The following NEGR1 variants were observed in gnomAD, a reference collection of about 807,000 sequenced individuals.
NEGR1 encodes neuronal growth regulator 1.
A neutral mutation model predicts 40.9 loss-of-function variants in NEGR1; 10 were observed. The ratio of observed to expected loss-of-function variants is 0.24; its 90% confidence interval spans 0.15 to 0.42. The LOEUF is 0.42. Ranked by LOEUF, NEGR1 falls within the 10% of genes least tolerant of loss-of-function variation. NEGR1 has a pLI of 1.00. For synonymous variants in NEGR1, 185 were observed against 166.8 expected (o/e 1.11, Z -0.84); for missense variants, 352 against 438.9 (o/e 0.80, Z 1.77).
At chr1:71,494,201 A>T (rs1646947314) in intron 6 of NEGR1, among the ~76,000 whole-genome samples, 1 of 152,124 alleles carries the variant, frequency 6.6e-6, no homozygotes, top group Non-Finnish European at 1.5e-5. Flanking sequence ...TATGATGGGG[A>T]CTTTGAGGCC....
chr1:71,400,563 T>A lies in NEGR1; in HGVS notation c.*6883A>T, dbSNP rs1274933130. On this transcript the variant is annotated 3_prime_UTR_variant, in exon 7 of 7. Transcript: ENST00000357731. The stretch of plus-strand genomic sequence containing the variant: ...GTGACTGTTTACTTTCTCTTTCACA[T>A]GTCCTAGACTATTGGATTATGGTTT... 1.3e-5 allele frequency: 2 copies of A among 152,118 alleles called. No homozygotes were observed. Among genetic ancestry groups the A allele is most frequent in the Non-Finnish European group, 2.9e-5 (2 of 68,012 alleles). 9.4% of individuals were successfully genotyped at this position (152,118 alleles called of 1,614,324 possible). A position where few individuals can be genotyped will look rare whatever the true frequency, so the allele number is the denominator to read the frequency against.
intron 1 of NEGR1, among the ~76,000 whole-genome samples, chr1:72,112,828 C>A (rs570312222): frequency 1.3e-5 from 2 of 151,670 alleles, no homozygotes; most frequent in Admixed American, 6.6e-5. Flanking sequence ...CTTCTCTGGG[C>A]GCTCCCCTGA....
intron 1 of NEGR1, among the ~76,000 whole-genome samples, chr1:72,068,386 C>T (rs1220709768): frequency 6.6e-6 from 1 of 152,154 alleles, no homozygotes. Flanking sequence ...CACCTCATTA[C>T]CATATGCTTA....
At chr1:71,894,611 A>C (rs974325540) in intron 2 of NEGR1, among the ~76,000 whole-genome samples, 1 of 152,232 alleles carries the variant, frequency 6.6e-6, no homozygotes, top group Non-Finnish European at 1.5e-5. Context: ...TCAAGACTCC[A>C]GGCTACCAAT....
At chr1:71,744,295 A>ATATATATATT (rs1655311846) in intron 3 of NEGR1, among the ~76,000 whole-genome samples, 1 of 148,142 alleles carries the variant, frequency 6.8e-6, no homozygotes, top group Non-Finnish European at 1.5e-5. Context: ...ATATATATAT[A>ATATATATATT]TATATATAAA....
chr1:71,848,981 G>A (rs918969966), intron 2 of NEGR1, among the ~76,000 whole-genome samples: 3 of 151,864 alleles, frequency 2.0e-5, no homozygotes, highest in African/African-American at 4.8e-5. Context: ...TCCCAGCTAC[G>A]CAGGCGGCTG....
At chr1:71,998,041 T>C (rs1269140373) in intron 1 of NEGR1, among the ~76,000 whole-genome samples, 2 of 151,998 alleles carry the variant, frequency 1.3e-5, no homozygotes, top group Non-Finnish European at 2.9e-5. Flanking sequence ...TAATTTTCCC[T>C]GACTAAGAAG....
At chr1:71,606,016 A>G (rs1032196977) in intron 5 of NEGR1, among the ~76,000 whole-genome samples, 2 of 152,196 alleles carry the variant, frequency 1.3e-5, no homozygotes, top group African/African-American at 4.8e-5. Context: ...ACCTCTTGAT[A>G]TTCATGTCCC....
chr1:71,979,210 G>T (rs907714600), intron 1 of NEGR1, among the ~76,000 whole-genome samples: 2 of 152,050 alleles, frequency 1.3e-5, no homozygotes, highest in Admixed American at 6.6e-5. Context: ...CTACTTGAAG[G>T]TAAAGGGTGG....
chr1:71,822,259 G>A (rs1451294316), intron 2 of NEGR1, among the ~76,000 whole-genome samples: 2 of 151,854 alleles, frequency 1.3e-5, no homozygotes, highest in Non-Finnish European at 2.9e-5. Flanking sequence ...GATGAATGAG[G>A]TAGAAACACA....
intron 6 of NEGR1, among the ~76,000 whole-genome samples, chr1:71,521,303 T>C (rs1162789578): frequency 6.6e-6 from 1 of 152,004 alleles, no homozygotes; most frequent in Non-Finnish European, 1.5e-5. Context: ...ACCCCGTTTA[T>C]AGGAAACTCA....
intron 1 of NEGR1, among the ~76,000 whole-genome samples, chr1:72,106,024 A>G (rs1457070662): frequency 6.6e-6 from 1 of 152,152 alleles, no homozygotes; most frequent in Non-Finnish European, 1.5e-5. Context: ...AGTAAGATCT[A>G]AACTTAATTT....
rs139688438 is a variant in NEGR1 at position 72,093,646 on chromosome 1, T to C, written c.177-158335A>G. 4.9e-4 allele frequency among the ~76,000 whole-genome samples: 75 copies of C among 152,316 alleles called. No individual in the cohort carries two copies. In the Middle Eastern group the frequency reaches 0.01, roughly 21 times the overall value. ...CTAATATTGTATTATATTGGTGATG[T>C]GCTTCTTTTTTTTAACCTAGAAATA... is the stretch of plus-strand genomic sequence containing the variant. On this transcript the variant is annotated intron_variant, in intron 1 of 6. Transcript: ENST00000357731.
intron 1 of NEGR1, among the ~76,000 whole-genome samples, chr1:72,001,866 T>C (rs2100382584): frequency 6.6e-6 from 1 of 152,102 alleles, no homozygotes; most frequent in East Asian, 1.9e-4. Flanking sequence ...CTTAAGAGTG[T>C]CATATCAAGA....
intron 3 of NEGR1, among the ~76,000 whole-genome samples, chr1:71,736,249 A>T (rs1208910366): frequency 1.3e-5 from 2 of 152,030 alleles, no homozygotes; most frequent in African/African-American, 4.8e-5. Context: ...TCCCACTTTG[A>T]TGTATTTGTT....
In NEGR1 at chr1:71,499,385, T is replaced by C. The variant is rs942953892; in HGVS notation, c.941-91815A>G. ...AAAGATGTACCATGTGTTCTGCTAT[T>C]CTCCTTCCTCTTTTCCTTGCACATA... On this transcript the variant is annotated intron_variant, in intron 6 of 6. Transcript: ENST00000357731. 3.3e-5 allele frequency among the ~76,000 whole-genome samples: 5 copies of C among 150,102 alleles called. No individual in the cohort carries two copies. The Admixed American group carries it at 3.3e-4, about 10-fold the overall frequency.
At chr1:71,693,766 T>C (rs1653377260) in intron 4 of NEGR1, among the ~76,000 whole-genome samples, 1 of 151,514 alleles carries the variant, frequency 6.6e-6, no homozygotes, top group Non-Finnish European at 1.5e-5. Flanking sequence ...TACATACAAA[T>C]GGAGTGGAGA....
intron 1 of NEGR1, among the ~76,000 whole-genome samples, chr1:72,255,196 C>T (rs1655226787): frequency 1.3e-5 from 2 of 152,106 alleles, no homozygotes; most frequent in South Asian, 4.2e-4. Flanking sequence ...AAGTTAAATG[C>T]TCTCTTTGTG....
intron 1 of NEGR1, among the ~76,000 whole-genome samples, chr1:72,094,406 G>C (rs1648621164): frequency 6.6e-6 from 1 of 152,176 alleles, no homozygotes; most frequent in Non-Finnish European, 1.5e-5. Flanking sequence ...AACGAGGTCA[G>C]TAATGAAGTC....
Sources: allele counts gnomAD v4.1 joint callset (sites outside exome capture counted in the v4.1 genomes callset), GRCh38; gene constraint gnomAD v4.1.1; transcripts MANE v1.5; gene names NCBI Gene and HGNC (gene_info 2026-07-23, HGNC 2026-07-21).